MEI4: variants seen among roughly 807,000 people sequenced by gnomAD.
MEI4 encodes meiosis-specific protein MEI4.
Under a neutral mutation model 31.4 loss-of-function variants are expected in MEI4, and 27 were observed. The ratio of observed to expected loss-of-function variants is 0.86; its 90% CI spans 0.63 to 1.19. The LOEUF (loss-of-function observed/expected upper bound fraction) is 1.19, where lower values mean the gene tolerates loss of function less well. Among genes scored for constraint, MEI4 ranks in the 50% most tolerant of loss-of-function variants. The pLI is 0.00. For synonymous variants in MEI4, 122 were observed against 145.4 expected (o/e 0.84, Z 1.16); for missense variants, 329 against 398.9 (o/e 0.82, Z 1.49).
intron 3 of MEI4, among the ~76,000 whole-genome samples, chr6:77,806,738 C>T (rs147172071): frequency 8.0e-4 from 122 of 152,226 alleles, no homozygotes; most frequent in African/African-American, 2.8e-3. Context: ...TTGGTTGTTA[C>T]AGAGCTTCAA....
chr6:77,674,627 A>G (rs935521816), intron 1 of MEI4, among the ~76,000 whole-genome samples: 4 of 53,152 alleles, frequency 7.5e-5, no homozygotes, highest in Non-Finnish European at 1.3e-4. Flanking sequence ...AGTACTTTCT[A>G]TGAGTTGGCA....
intron 3 of MEI4, among the ~76,000 whole-genome samples, chr6:77,777,141 T>G (rs987948842): frequency 6.6e-6 from 1 of 152,140 alleles, no homozygotes; most frequent in Non-Finnish European, 1.5e-5. Context: ...TAAAGAACTT[T>G]TTTAAAAAGG....
At chr6:77,734,240 C>T (rs1344411091) in intron 2 of MEI4, among the ~76,000 whole-genome samples, 1 of 151,946 alleles carries the variant, frequency 6.6e-6, no homozygotes, top group Non-Finnish European at 1.5e-5. Context: ...TAACATCTCC[C>T]ATTATTAATG....
chr6:77,680,656 CCT>C lies in MEI4; in HGVS notation c.-14-9995_-14-9994del, dbSNP rs138452582. On this transcript the variant is annotated intron_variant, in intron 1 of 4. Transcript: ENST00000684080. ...AGGGCTCCATATTTGTGAAACAGTC[CCT>C]CTCTCTTAATAAGTTATTTTAGGCT... 8.1e-3 allele frequency among the ~76,000 whole-genome samples: 1,227 copies of C among 152,224 alleles called. 14 individuals carry two copies. The highest frequency in any genetic ancestry group is 0.027 in the African/African-American group (1,110 of 41,542).
intron 2 of MEI4, among the ~76,000 whole-genome samples, chr6:77,737,484 C>T (rs544539821): frequency 9.2e-5 from 14 of 151,936 alleles, no homozygotes; most frequent in African/African-American, 3.4e-4. Context: ...GAGGAGTGCA[C>T]GTTCCTAAGG....
At chr6:77,664,978 G>T (rs1205679579) in intron 1 of MEI4, among the ~76,000 whole-genome samples, 2 of 151,980 alleles carry the variant, frequency 1.3e-5, no homozygotes, top group African/African-American at 4.8e-5. Context: ...CACAGGCCAA[G>T]GGAGTAGAAG....
intron 2 of MEI4, among the ~76,000 whole-genome samples, chr6:77,735,583 C>T (rs910689858): frequency 6.6e-6 from 1 of 152,004 alleles, no homozygotes; most frequent in African/African-American, 2.4e-5. Context: ...GTTTGAATGT[C>T]CTCCCGTAGC....
chr6:77,776,210 A>G (rs905419838), intron 3 of MEI4, among the ~76,000 whole-genome samples: 1 of 148,618 alleles, frequency 6.7e-6, no homozygotes, highest in African/African-American at 2.5e-5. Context: ...AGAAGCAAAG[A>G]CTCTTTTTCT....
intron 4 of MEI4, among the ~76,000 whole-genome samples, chr6:77,922,023 C>T (rs947143998): frequency 1.3e-5 from 2 of 151,700 alleles, no homozygotes; most frequent in Non-Finnish European, 2.9e-5. Flanking sequence ...TAGTTTGATG[C>T]AGGGTTGCCA....
chr6:77,834,001 ATG>A (rs1224426253), intron 4 of MEI4, among the ~76,000 whole-genome samples: 1 of 152,158 alleles, frequency 6.6e-6, no homozygotes, highest in African/African-American at 2.4e-5. Context: ...CATGGTGTAT[ATG>A]TGCCACATTT....
At chr6:77,666,465 TG>T (rs1236029438) in intron 1 of MEI4, among the ~76,000 whole-genome samples, 1 of 152,172 alleles carries the variant, frequency 6.6e-6, no homozygotes, top group Non-Finnish European at 1.5e-5. Flanking sequence ...GATCAAGCAT[TG>T]CAATGAATGT....
Position 77,817,874 on chromosome 6 carries a change from C to A in MEI4, c.769-11057C>A, listed in dbSNP as rs1368435020. 2.0e-5 allele frequency among the ~76,000 whole-genome samples: 3 copies of A among 152,082 alleles called. No individual in the cohort carries two copies. In the East Asian group the frequency reaches 5.8e-4, roughly 29 times the overall value. ...ATTTCCTGTGGCCTCTCATATTTTA[C>A]ATCCAACATCTCCCAGTCCTTGTGT... On this transcript the variant is annotated intron_variant, in intron 3 of 4. Coordinates refer to ENST00000684080, the MANE Select transcript of MEI4 (RefSeq NM_001322247.2).
chr6:77,831,793 G>T (rs779746141), intron 4 of MEI4, among the ~76,000 whole-genome samples: 15 of 151,830 alleles, frequency 9.9e-5, no homozygotes, highest in African/African-American at 1.4e-4. Context: ...CGAAAATACG[G>T]TTAGATAGAA....
chr6:77,803,707 G>T (rs1280625221), intron 3 of MEI4, among the ~76,000 whole-genome samples: 4 of 152,204 alleles, frequency 2.6e-5, no homozygotes, highest in African/African-American at 9.6e-5. Context: ...ACCCTCAGCT[G>T]CAGGTCTGTT....
At chr6:77,773,863 A>G (rs1053759618) in intron 3 of MEI4, among the ~76,000 whole-genome samples, 1 of 152,098 alleles carries the variant, frequency 6.6e-6, no homozygotes, top group Non-Finnish European at 1.5e-5. Context: ...AAATATCTGA[A>G]TAGACATTTC....
intron 1 of MEI4, among the ~76,000 whole-genome samples, chr6:77,684,559 T>G (rs899954962): frequency 6.6e-6 from 1 of 152,102 alleles, no homozygotes; most frequent in Admixed American, 6.6e-5. Flanking sequence ...AAGAGTTCAA[T>G]TATTTTGACT....
At chr6:77,807,568 GTCTAAGGGTGA>G (rs1769471211) in intron 3 of MEI4, among the ~76,000 whole-genome samples, 1 of 152,250 alleles carries the variant, frequency 6.6e-6, no homozygotes, top group East Asian at 1.9e-4. Flanking sequence ...CCAAGGACTA[GTCTAAGGGTGA>G]TCAATACTGC....
At chr6:77,783,186 A>G (rs1582136976) in intron 3 of MEI4, among the ~76,000 whole-genome samples, 1 of 152,254 alleles carries the variant, frequency 6.6e-6, no homozygotes, top group East Asian at 1.9e-4. Context: ...CACAAATCCA[A>G]TGACTTTAGG....
At chr6:77,706,912 C>A (rs1274535641) in intron 2 of MEI4, among the ~76,000 whole-genome samples, 1 of 152,104 alleles carries the variant, frequency 6.6e-6, no homozygotes, top group African/African-American at 2.4e-5. Flanking sequence ...ACCAAATAAA[C>A]CACTTTATAA....
Sources: gnomAD v4.1 joint callset for allele counts (sites outside exome capture counted in the v4.1 genomes callset) on GRCh38, gnomAD v4.1.1 for gene constraint, MANE v1.5 for transcripts, NCBI Gene and HGNC (gene_info 2026-07-23, HGNC 2026-07-21) for gene names.